GRIN2D: variants seen among roughly 807,000 people sequenced by gnomAD.
GRIN2D encodes the protein glutamate receptor ionotropic, NMDA 2D.
Under a neutral mutation model 103.2 loss-of-function variants are expected in GRIN2D, and 37 were observed. The observed-to-expected ratio is 0.36, with a 90% CI of 0.28 to 0.47. The LOEUF is 0.47. Among genes scored for constraint, GRIN2D ranks in the 20% least tolerant of loss-of-function variants. GRIN2D has a pLI of 1.00. For synonymous variants in GRIN2D, 845 were observed against 885.6 expected (o/e 0.95, Z 0.81); for missense variants, 1,557 against 1,910.6 (o/e 0.81, Z 3.45).
Position 48,405,867 on chromosome 19 carries a change from CACACTGTT to C in GRIN2D, c.1085+517_1085+524del, listed in dbSNP as rs1970786331. On this transcript the variant is annotated intron_variant, in intron 4 of 13. Coordinates refer to ENST00000263269, the MANE Select transcript of GRIN2D (RefSeq NM_000836.4). This position sits in a 1 kb window ranked among gnomAD's most constrained non-coding sequence, Gnocchi z 5.1. ...ATCATTCAGGGACCCAGGATTCTCC[CACACTGTT>C]ACTCTGGCATCTCTGCATGGTCGAA... 6.6e-6 allele frequency among the ~76,000 whole-genome samples: 1 copy of C among 152,204 alleles called. No individual in the cohort carries two copies.
At chr19:48,429,622 A>T (rs1206742289) in intron 11 of GRIN2D, among the ~76,000 whole-genome samples, 1 of 151,522 alleles carries the variant, frequency 6.6e-6, no homozygotes, top group East Asian at 1.9e-4. Flanking sequence ...CTGGTCTCGA[A>T]CTCCTGACCT....
chr19:48,432,515 G>A (rs2147467005), intron 11 of GRIN2D, among the ~76,000 whole-genome samples: 1 of 151,698 alleles, frequency 6.6e-6, no homozygotes, highest in Non-Finnish European at 1.5e-5. Context: ...GTCTCACTCT[G>A]TTCCCCAGGC....
chr19:48,409,480 T>G (rs2147445752), intron 4 of GRIN2D, among the ~76,000 whole-genome samples: 1 of 152,174 alleles, frequency 6.6e-6, no homozygotes, highest in East Asian at 1.9e-4. Flanking sequence ...TTTCACTATG[T>G]TGGCCAGGCT....
chr19:48,439,352 T>C (rs1971266116), intron 11 of GRIN2D, among the ~76,000 whole-genome samples: 1 of 152,090 alleles, frequency 6.6e-6, no homozygotes. Context: ...AGTATTCCTC[T>C]GTGTGGATTC....
At position 48,414,341 on chromosome 19, in the gene GRIN2D, A is replaced by G. The variant is rs768117521; in HGVS notation, c.1201-32A>G. 70 of 1,543,708 alleles carry G rather than the reference A, an allele frequency of 4.5e-5. No individual in the cohort carries two copies. Among genetic ancestry groups the G allele is most frequent in the Non-Finnish European group, 5.9e-5 (67 of 1,135,832 alleles). On this transcript the variant is annotated intron_variant, in intron 5 of 13. Transcript: ENST00000263269. The surrounding 1 kb of genome is among the most constrained non-coding windows in gnomAD (Gnocchi z 4.6). ...CCAGGATACACCGGGAAGTCTTCCC[A>G]GGAAGCCTGACTCTCTTTCCCTTTG...
At chr19:48,401,188 A>G (rs1970707019) in intron 3 of GRIN2D, among the ~76,000 whole-genome samples, 1 of 151,984 alleles carries the variant, frequency 6.6e-6, no homozygotes, top group Non-Finnish European at 1.5e-5. Flanking sequence ...TCATTGCATT[A>G]CAGGAAGATT....
intron 10 of GRIN2D, among the ~76,000 whole-genome samples, chr19:48,420,714 T>C (rs1971012765): frequency 6.6e-6 from 1 of 151,940 alleles, no homozygotes; most frequent in African/African-American, 2.4e-5. Flanking sequence ...TAGTCCCAGC[T>C]ACTTGGGAGG....
In GRIN2D at chr19:48,421,520, G is replaced by A. The variant is rs113429989; in HGVS notation, c.2092-265G>A. Among the ~76,000 whole-genome samples the A allele has an allele frequency of 7.9e-5, 12 of 152,034 alleles. No homozygotes were observed. Among genetic ancestry groups the A allele is most frequent in the Admixed American group, 2.0e-4 (3 of 15,248 alleles). On this transcript the variant is annotated intron_variant, in intron 10 of 13. Transcript: ENST00000263269. This position sits in a 1 kb window ranked among gnomAD's most constrained non-coding sequence, Gnocchi z 4.8. Reference sequence around the variant, plus strand: ...CCAGCCTCTACTCCCAGGACCTCCCGCGATTCAGTAAGTGAAGACTTAACA... The same window carrying A: ...CCAGCCTCTACTCCCAGGACCTCCCACGATTCAGTAAGTGAAGACTTAACA...
intron 3 of GRIN2D, among the ~76,000 whole-genome samples, chr19:48,400,569 C>CT (rs979230892): frequency 6.6e-6 from 1 of 152,184 alleles, no homozygotes; most frequent in African/African-American, 2.4e-5. Flanking sequence ...GTGTGGTCCT[C>CT]TCTGTTTCAT....
chr19:48,410,860 C>T (rs930411858), intron 4 of GRIN2D, among the ~76,000 whole-genome samples: 1 of 151,876 alleles, frequency 6.6e-6, no homozygotes, highest in African/African-American at 2.4e-5. Context: ...GGCTGGGTAG[C>T]GGGAGGGAGG....
intron 11 of GRIN2D, among the ~76,000 whole-genome samples, chr19:48,423,205 C>T (rs531898675): frequency 7.2e-5 from 11 of 151,922 alleles, no homozygotes; most frequent in Non-Finnish European, 1.2e-4. Context: ...AGACAGACTC[C>T]GTCTCAAAAA....
chr19:48,431,009 G>A (rs942825827), intron 11 of GRIN2D, among the ~76,000 whole-genome samples: 4 of 151,778 alleles, frequency 2.6e-5, no homozygotes. Context: ...TTGTAAAGTG[G>A]GGTTTCGCCA....
At chr19:48,424,708 ACTCACAG>A (rs1374018500) in intron 11 of GRIN2D, among the ~76,000 whole-genome samples, 5 of 152,020 alleles carry the variant, frequency 3.3e-5, no homozygotes, top group Non-Finnish European at 7.4e-5. Context: ...GGCATTTTAC[ACTCACAG>A]CACATCTAGG....
chr19:48,436,731 AG>A (rs1406132320), intron 11 of GRIN2D, among the ~76,000 whole-genome samples: 3 of 152,230 alleles, frequency 2.0e-5, no homozygotes, highest in African/African-American at 7.2e-5. Context: ...TGAGAGAGTG[AG>A]TCAGGCAGCT....
Position 48,442,524 on chromosome 19 carries a change from A to C in GRIN2D, c.2674-76A>C. 2 of 1,484,936 alleles carry C rather than the reference A, an allele frequency of 1.3e-6. No homozygotes were observed. The highest frequency in any genetic ancestry group is 1.8e-6 in the Non-Finnish European group (2 of 1,120,532). The allele number at this position is 1,484,936 out of a possible 1,614,324, so 92.0% of individuals were successfully genotyped here. ...AAACACAGGCGGGTAAATGGAGAGGAGAGAGGGACTGAGGGGAGGCGGGCA... is the reference window on the plus strand; with the variant it reads ...AAACACAGGCGGGTAAATGGAGAGGCGAGAGGGACTGAGGGGAGGCGGGCA... On this transcript the variant is annotated intron_variant, in intron 13 of 13. Transcript: ENST00000263269. The surrounding 1 kb of genome is among the most constrained non-coding windows in gnomAD (Gnocchi z 7.2).
chr19:48,429,903 C>CA (rs1423960899), intron 11 of GRIN2D, among the ~76,000 whole-genome samples: 2 of 152,098 alleles, frequency 1.3e-5, no homozygotes, highest in African/African-American at 4.8e-5. Flanking sequence ...CCATTTCTCT[C>CA]AGCCCAGAGG....
intron 10 of GRIN2D, among the ~76,000 whole-genome samples, chr19:48,420,950 C>T (rs946240134): frequency 1.3e-5 from 2 of 152,160 alleles, no homozygotes; most frequent in African/African-American, 2.4e-5. Context: ...CTGCAATCAC[C>T]GTTTGTTGAG....
intron 11 of GRIN2D, among the ~76,000 whole-genome samples, chr19:48,438,499 C>T (rs969711149): frequency 9.2e-5 from 14 of 151,888 alleles, no homozygotes; most frequent in African/African-American, 3.1e-4. Flanking sequence ...AGGGTTTCAC[C>T]GTGTTAGCCA....
chr19:48,435,537 G>A (rs554893788), intron 11 of GRIN2D, among the ~76,000 whole-genome samples: 4 of 151,860 alleles, frequency 2.6e-5, no homozygotes, highest in African/African-American at 4.8e-5. Flanking sequence ...TGATCCGCTC[G>A]AGGTTCAAGC....
Sources: allele counts gnomAD v4.1 joint callset (sites outside exome capture counted in the v4.1 genomes callset), GRCh38; gene constraint gnomAD v4.1.1; non-coding constraint Gnocchi (gnomAD v3.1); transcripts MANE v1.5; gene names NCBI Gene and HGNC (gene_info 2026-07-23, HGNC 2026-07-21).